Variants in LY96 observed in about 807,000 individuals in gnomAD.
The protein encoded by LY96 is lymphocyte antigen 96, also known as myeloid differentiation protein-2.
In LY96, 18 loss-of-function variants were observed where a neutral mutation model predicts 18.9. That is an observed-to-expected ratio of 0.95 (90% confidence interval 0.66 to 1.41). The LOEUF (loss-of-function observed/expected upper bound fraction) is 1.41. LY96 is among the 40% of genes most tolerant of loss of function. The pLI is 0.00. For missense variants in LY96, 175 were observed against 182.4 expected (o/e 0.96, Z 0.23); for synonymous variants, 66 against 62.6 (o/e 1.06, Z -0.26).
chr8:74,079,189 T>C, the LY96 span, among the ~76,000 whole-genome samples: 2 of 152,204 alleles, frequency 1.3e-5, no homozygotes, highest in African/African-American at 4.8e-5. Context: ...GGGACATCTA[T>C]CTTCTGCCCT....
the LY96 span, among the ~76,000 whole-genome samples, chr8:74,069,752 AC>A: frequency 6.6e-6 from 1 of 151,416 alleles, no homozygotes; most frequent in African/African-American, 2.4e-5. Flanking sequence ...ACAGGAACCC[AC>A]CATCATGCTC....
At chr8:74,073,472 G>C in the LY96 span, among the ~76,000 whole-genome samples, 1 of 152,122 alleles carries the variant, frequency 6.6e-6, no homozygotes, top group East Asian at 1.9e-4. Context: ...TGAAATTCCA[G>C]AGCACAGCCA....
chr8:74,064,936 G>T, the LY96 span, among the ~76,000 whole-genome samples: 12 of 152,124 alleles, frequency 7.9e-5, no homozygotes, highest in South Asian at 2.5e-3. Flanking sequence ...AACTCATTAG[G>T]GGTAGAGGTT....
chr8:74,001,528 C>G (rs1297017936), intron 1 of LY96, among the ~76,000 whole-genome samples: 1 of 152,178 alleles, frequency 6.6e-6, no homozygotes, highest in Non-Finnish European at 1.5e-5. Context: ...GCACACTTGG[C>G]CTCTACAAAT....
the LY96 span, among the ~76,000 whole-genome samples, chr8:74,078,827 C>A: frequency 1.3e-5 from 2 of 152,190 alleles, no homozygotes; most frequent in African/African-American, 4.8e-5. Context: ...AATTAGAGAA[C>A]AATACTATTC....
the LY96 span, among the ~76,000 whole-genome samples, chr8:74,034,228 C>G: frequency 6.6e-6 from 1 of 151,966 alleles, no homozygotes; most frequent in Non-Finnish European, 1.5e-5. Context: ...AAAAATTAGC[C>G]AGGTGTGGTG....
chr8:74,038,056 A>G, the LY96 span, among the ~76,000 whole-genome samples: 1 of 152,228 alleles, frequency 6.6e-6, no homozygotes. Flanking sequence ...TTTATGGTTT[A>G]CATGAGAAAA....
chr8:74,050,250 C>G, the LY96 span, among the ~76,000 whole-genome samples: 1 of 151,154 alleles, frequency 6.6e-6, no homozygotes, highest in Non-Finnish European at 1.5e-5. Flanking sequence ...GGCTGAGGCA[C>G]GAGAATTACT....
the LY96 span, among the ~76,000 whole-genome samples, chr8:74,081,150 T>C: frequency 6.1e-4 from 71 of 116,268 alleles, no homozygotes; most frequent in African/African-American, 1.7e-3. Flanking sequence ...TCCTTCTTTC[T>C]TTCTTTCTTT....
At chr8:74,038,799 A>G in the LY96 span, among the ~76,000 whole-genome samples, 1 of 152,214 alleles carries the variant, frequency 6.6e-6, no homozygotes, top group African/African-American at 2.4e-5. Context: ...AATCTTGGCT[A>G]TTGTGAATAG....
At chr8:74,060,215 A>G in the LY96 span, among the ~76,000 whole-genome samples, 1 of 152,248 alleles carries the variant, frequency 6.6e-6, no homozygotes, top group East Asian at 1.9e-4. Context: ...GTCAAAAGAA[A>G]AAAATACCAT....
chr8:74,040,640 T>G, the LY96 span, among the ~76,000 whole-genome samples: 1 of 152,030 alleles, frequency 6.6e-6, no homozygotes, highest in African/African-American at 2.4e-5. Flanking sequence ...ATCAGTTCAA[T>G]GTAGATGTAT....
the LY96 span, among the ~76,000 whole-genome samples, chr8:74,055,319 T>A: frequency 1.3e-5 from 2 of 152,276 alleles, no homozygotes; most frequent in East Asian, 3.9e-4. Context: ...TTATTTATTT[T>A]TTGAGACCGG....
the LY96 span, among the ~76,000 whole-genome samples, chr8:74,096,394 T>C: frequency 6.6e-6 from 1 of 152,168 alleles, no homozygotes; most frequent in South Asian, 2.1e-4. Context: ...CCTTTAACTT[T>C]CTAGATGTGT....
chr8:74,066,882 A>G, the LY96 span, among the ~76,000 whole-genome samples: 1 of 152,226 alleles, frequency 6.6e-6, no homozygotes. Flanking sequence ...AAATGCAGCT[A>G]AAGAGGTTCA....
chr8:74,055,368 C>T, the LY96 span, among the ~76,000 whole-genome samples: 3 of 152,096 alleles, frequency 2.0e-5, no homozygotes, highest in Non-Finnish European at 2.9e-5. Flanking sequence ...CTCACTAGTG[C>T]TAGTTAAAAA....
At chr8:74,029,944 C>T (rs1816942900), downstream of LY96, among the ~76,000 whole-genome samples, 1 of 152,098 alleles carries the variant, frequency 6.6e-6, no homozygotes, top group African/African-American at 2.4e-5. Context: ...GCCACTGCGC[C>T]CAACCTAAAC....
At chr8:74,068,586 C>G in the LY96 span, among the ~76,000 whole-genome samples, 17,985 of 152,104 alleles carry the variant, frequency 0.12, 1,995 homozygotes, top group African/African-American at 0.29. Context: ...GCAGTGTATG[C>G]TTACTCTACA....
the LY96 span, among the ~76,000 whole-genome samples, chr8:74,060,521 G>A: frequency 8.1e-4 from 124 of 152,310 alleles, no homozygotes; most frequent in Middle Eastern, 3.4e-3. Context: ...ACAAATCTGA[G>A]GTGTTTTTTC....
Sources: allele counts gnomAD v4.1 joint callset (sites outside exome capture counted in the v4.1 genomes callset), GRCh38; gene constraint gnomAD v4.1.1; transcripts MANE v1.5; gene names NCBI Gene and HGNC (gene_info 2026-07-23, HGNC 2026-07-21).